IPO7: variants seen among roughly 807,000 people sequenced by gnomAD.
IPO7 encodes the protein importin 7.
IPO7 carries 13 observed loss-of-function variants against 136.4 expected under a neutral mutation model. The ratio of observed to expected loss-of-function variants is 0.10; its 90% confidence interval spans 0.06 to 0.15. The LOEUF is 0.15. Among genes scored for constraint, IPO7 ranks in the 10% least tolerant of loss-of-function variants. The pLI is 1.00. For synonymous variants in IPO7, 403 were observed against 404.4 expected, an observed-to-expected ratio of 1.00 and a Z score of 0.04; for missense variants, 857 against 1,240.6, an observed-to-expected ratio of 0.69 and a Z score of 4.65.
At chr11:9,433,492 C>T (rs768484324) in intron 16 of IPO7, 78 bp from the exon 17 acceptor site, 10 of 929,826 alleles carry the variant, frequency 1.1e-5, no homozygotes, top group Non-Finnish European at 1.7e-5. Context: ...TTTAAGTGTA[C>T]TGAATTATAA....
intron 1 of IPO7, among the ~76,000 whole-genome samples, chr11:9,401,270 GT>G (rs768458996): frequency 9.2e-5 from 14 of 152,060 alleles, no homozygotes; most frequent in Non-Finnish European, 1.5e-4. Context: ...AAAGATGACA[GT>G]ATAAGTGGTG....
chr11:9,440,716 T>A, intron 23 of IPO7, 55 bp downstream of exon 23: 2 of 1,351,944 alleles, frequency 1.5e-6, no homozygotes, highest in Non-Finnish European at 2.1e-6. Flanking sequence ...TGTTGTAGTT[T>A]CTGCCTGCCC....
chr11:9,441,060 T>G (rs1480339889), intron 23 of IPO7, among the ~76,000 whole-genome samples: 1 of 152,244 alleles, frequency 6.6e-6, no homozygotes, highest in Non-Finnish European at 1.5e-5. Context: ...TAAGAGTATA[T>G]TAGCATTTAT....
At chr11:9,420,294 CAA>C (rs34703286) in intron 6 of IPO7, 115 bp from the exon 7 acceptor site, 170 of 512,576 alleles carry the variant, frequency 3.3e-4, no homozygotes, top group Admixed American at 4.3e-4. Flanking sequence ...GACTCCATCT[CAA>C]AAAAAAAAAG....
At chr11:9,415,598 G>A (rs1283898590) in intron 5 of IPO7, among the ~76,000 whole-genome samples, 1 of 152,172 alleles carries the variant, frequency 6.6e-6, no homozygotes, top group Non-Finnish European at 1.5e-5. Context: ...CAGCACTTTG[G>A]GAGGCCGAGG....
rs554698046 is a variant in IPO7, at chr11:9,391,517, C to G, written c.84+6670C>G. 1.8e-4 allele frequency among the ~76,000 whole-genome samples: 27 copies of G among 151,984 alleles called. No homozygotes were observed. The South Asian group carries it at 2.1e-3, about 12-fold the overall frequency. ...GGTCAGGAGATCGAGACCATCCTGG[C>G]TAACATGGTGAAACCCCATTTCTAC... On this transcript the variant is annotated intron_variant, in intron 1 of 24. Coordinates refer to ENST00000379719, the MANE Select transcript of IPO7 (RefSeq NM_006391.3).
intron 12 of IPO7, among the ~76,000 whole-genome samples, chr11:9,426,028 AG>A (rs1012564554): frequency 6.6e-6 from 1 of 152,090 alleles, no homozygotes; most frequent in African/African-American, 2.4e-5. Flanking sequence ...GCTCCAGTCC[AG>A]GCGACAGAGA....
At chr11:9,392,730 T>C (rs1004918753) in intron 1 of IPO7, among the ~76,000 whole-genome samples, 72 of 151,976 alleles carry the variant, frequency 4.7e-4, no homozygotes, top group African/African-American at 1.7e-3. Context: ...GGGTGGATCA[T>C]CTGAGGTCAG....
intron 2 of IPO7, among the ~76,000 whole-genome samples, chr11:9,404,590 G>A (rs1192584293): frequency 2.1e-5 from 3 of 141,766 alleles, no homozygotes; most frequent in African/African-American, 8.0e-5. Flanking sequence ...TTTTGAGACG[G>A]AGTCTCGCTC....
intron 1 of IPO7, among the ~76,000 whole-genome samples, chr11:9,397,985 A>G (rs867884506): frequency 6.6e-6 from 1 of 152,240 alleles, no homozygotes; most frequent in Non-Finnish European, 1.5e-5. Context: ...AACCAAGACT[A>G]TCTGATTGCA....
intron 4 of IPO7, among the ~76,000 whole-genome samples, chr11:9,412,632 A>G (rs1854982234): frequency 6.6e-6 from 1 of 152,128 alleles, no homozygotes; most frequent in Non-Finnish European, 1.5e-5. Context: ...CTTGGGCAAC[A>G]TAGTGGAACC....
chr11:9,399,587 G>A (rs1854765119), intron 1 of IPO7, among the ~76,000 whole-genome samples: 1 of 152,150 alleles, frequency 6.6e-6, no homozygotes, highest in Non-Finnish European at 1.5e-5. Flanking sequence ...AATGGTGCAG[G>A]GAAGTAGAGT....
At chr11:9,401,718 TATTAA>T (rs1218768699) in intron 1 of IPO7, among the ~76,000 whole-genome samples, 1 of 152,226 alleles carries the variant, frequency 6.6e-6, no homozygotes, top group East Asian at 1.9e-4. Flanking sequence ...CATATAAATG[TATTAA>T]ATTATGATTA....
rs547901914 is a variant in IPO7, at chr11:9,409,096, A to G, written c.320+457A>G. ...AAACTTACCCAACAGATGCTGTTGT[A>G]GGAGAATGCCTTAGTCATTTTTTTT... On this transcript the variant is annotated intron_variant, in intron 3 of 24. Transcript: ENST00000379719. Among the ~76,000 whole-genome samples, 194 of 150,536 alleles carry G rather than the reference A, an allele frequency of 1.3e-3. 1 individual carries two copies. The highest frequency in any genetic ancestry group is 4.5e-3 in the African/African-American group (184 of 40,854).
chr11:9,388,434 C>T (rs892583690), intron 1 of IPO7, among the ~76,000 whole-genome samples: 1 of 151,874 alleles, frequency 6.6e-6, no homozygotes, highest in East Asian at 2.0e-4. Context: ...CTCGGCCTCC[C>T]AAAGTGCTGG....
Position 9,444,980 on chromosome 11 carries a change from T to A in IPO7, c.3020-117T>A, listed in dbSNP as rs1855509303. 3 of 665,822 alleles carry A rather than the reference T, an allele frequency of 4.5e-6. No individual in the cohort carries two copies. The South Asian group carries it at 5.3e-5, about 12-fold the overall frequency. The allele number at this position is 665,822 out of a possible 1,614,324, so 41.2% of individuals were successfully genotyped here. ...TTATACATTGGAGAAATCATGGATT[T>A]TGGAACTTCCTGGCCACTAATGATG... is the stretch of plus-strand genomic sequence containing the variant. On this transcript the variant is annotated intron_variant, in intron 24 of 24. Coordinates refer to ENST00000379719, the MANE Select transcript of IPO7 (RefSeq NM_006391.3).
intron 4 of IPO7, among the ~76,000 whole-genome samples, chr11:9,411,069 C>G (rs1035809799): frequency 1.3e-5 from 2 of 152,134 alleles, no homozygotes; most frequent in Non-Finnish European, 2.9e-5. Flanking sequence ...AGGAATGTTC[C>G]AGCTGTTACA....
rs1045812165 is a variant in IPO7, at chr11:9,433,450, A to C, written c.1882-120A>C. ...TAATGTGTAAGTCATTTTAAAACAA[A>C]GACTTATTTTTTTCACAATATTGAC... On this transcript the variant is annotated intron_variant, in intron 16 of 24. Coordinates refer to ENST00000379719, the MANE Select transcript of IPO7 (RefSeq NM_006391.3). 1.1e-5 allele frequency: 7 copies of C among 644,776 alleles called. No individual in the cohort carries two copies. The Admixed American group carries it at 1.7e-4, about 16-fold the overall frequency. The allele number at this position is 644,776 out of a possible 1,614,324, so 39.9% of individuals were successfully genotyped here.
At chr11:9,437,644 C>A in intron 20 of IPO7, 110 bp from the exon 21 acceptor site, 1 of 739,916 alleles carries the variant, frequency 1.4e-6, no homozygotes, top group Non-Finnish European at 2.2e-6. Context: ...AAATATTGGT[C>A]ATCTAATGCT....
Sources: allele counts gnomAD v4.1 joint callset (sites outside exome capture counted in the v4.1 genomes callset), GRCh38; gene constraint gnomAD v4.1.1; transcripts MANE v1.5; gene names NCBI Gene and HGNC (gene_info 2026-07-23, HGNC 2026-07-21).